Variants in ACTN4 observed in about 807,000 individuals in gnomAD.
ACTN4 encodes actinin alpha 4, also known as alpha-actinin-4.
In ACTN4, 18 loss-of-function variants were observed where a neutral mutation model predicts 114.2. The ratio of observed to expected loss-of-function variants is 0.16; its 90% CI spans 0.11 to 0.23. The LOEUF (loss-of-function observed/expected upper bound fraction) is 0.23, where lower values mean the gene tolerates loss of function less well. Among genes scored for constraint, ACTN4 ranks in the 10% least tolerant of loss-of-function variants. The pLI, the probability that ACTN4 is intolerant of heterozygous loss-of-function variation, is 1.00. For synonymous variants in ACTN4, 515 were observed against 506.3 expected, an observed-to-expected ratio of 1.02 and a Z score of -0.23; for missense variants, 722 against 1,262.9, an observed-to-expected ratio of 0.57 and a Z score of 6.49.
At chr19:38,709,334 C>A in intron 6 of ACTN4, 61 bp from the exon 7 acceptor site, 2 of 1,315,414 alleles carry the variant, frequency 1.5e-6, no homozygotes, top group Non-Finnish European at 2.2e-6. Context: ...GCCCTGCCTC[C>A]CTCCTGCTCC....
At chr19:38,693,522 C>T (rs1044580040) in intron 1 of ACTN4, 6 of 152,294 alleles carry the variant, frequency 3.9e-5, no homozygotes, top group African/African-American at 1.4e-4. Flanking sequence ...CCACTGGAAC[C>T]ACTCGGTTGC....
At chr19:38,653,775 G>T (rs563454850) in intron 1 of ACTN4, among the ~76,000 whole-genome samples, 2 of 152,008 alleles carry the variant, frequency 1.3e-5, no homozygotes, top group African/African-American at 4.8e-5. Flanking sequence ...TTTTTCCTCC[G>T]TTTCTTTTTT....
In ACTN4 at chr19:38,704,717, G is replaced by A. The variant is rs1013507354; in HGVS notation, c.398-217G>A. Among the ~76,000 whole-genome samples the A allele has an allele frequency of 9.8e-5, 15 of 152,362 alleles. 1 individual carries two copies. In the South Asian group the frequency reaches 1.7e-3, roughly 17 times the overall value. ...CCCTTGTGGCCAGAAGCCTGCAGGC[G>A]CTCAGCAGCAGGAGGCTCTGGGACA... On this transcript the variant is annotated intron_variant, in intron 3 of 20. Coordinates refer to ENST00000252699, the MANE Select transcript of ACTN4 (RefSeq NM_004924.6).
chr19:38,692,004 G>A (rs943899133), intron 1 of ACTN4, among the ~76,000 whole-genome samples: 1 of 152,126 alleles, frequency 6.6e-6, no homozygotes, highest in Admixed American at 6.5e-5. Context: ...GCTGCAGGGA[G>A]GGGGCCGGGT....
In ACTN4 at chr19:38,730,713, G is replaced by A; in HGVS notation, c.*1281G>A. On this transcript the variant is annotated 3_prime_UTR_variant, in exon 21 of 21. Transcript: ENST00000252699. ...GTACGCAGGCCAGAGTGGTCACCCG[G>A]CCGTGAGCAGTGAGGGCCAGAGACT... 1 of 1,068,022 alleles carries A rather than the reference G, an allele frequency of 9.4e-7. No individual in the cohort carries two copies. Among genetic ancestry groups the A allele is most frequent in the Non-Finnish European group, 1.4e-6 (1 of 730,002 alleles). 66.2% of individuals were successfully genotyped at this position (1,068,022 alleles called of 1,614,324 possible).
chr19:38,679,192 A>T (rs1172771953), intron 1 of ACTN4, among the ~76,000 whole-genome samples: 2 of 151,966 alleles, frequency 1.3e-5, no homozygotes, highest in African/African-American at 4.8e-5. Flanking sequence ...TTCCTTGTGG[A>T]TTCCATTTTC....
At chr19:38,687,545 A>G (rs987979526) in intron 1 of ACTN4, among the ~76,000 whole-genome samples, 1 of 152,262 alleles carries the variant, frequency 6.6e-6, no homozygotes, top group African/African-American at 2.4e-5. Flanking sequence ...AGTGTTTTCA[A>G]CAAATAGTGC....
chr19:38,727,967 C>T lies in ACTN4; in HGVS notation c.2359C>T (p.Pro787Ser). Residue 787 changes from proline (P) to serine (S), a missense_variant, in exon 19 of 21, where the codon CCC becomes TCC. This residue lies in a region of ACTN4 where 523 missense variants were observed against 875.9 expected (regional missense o/e 0.60). Transcript: ENST00000252699. The surrounding 1 kb of genome is among the most constrained non-coding windows in gnomAD (Gnocchi z 5.4). ...GCAGGATCATGGCGGGGCGCTGGGG[C>T]CCGAGGAGTTCAAGGCCTGCCTCAT... ...FDKDHGGALG[P>S]EEFKACLISL... is the part of the protein sequence containing the mutation. 1 of 1,612,404 alleles carries T rather than the reference C, an allele frequency of 6.2e-7. No homozygotes were observed. Among genetic ancestry groups the T allele is most frequent in the South Asian group, 1.1e-5 (1 of 91,028 alleles).
At chr19:38,689,749 T>C (rs1967862575) in intron 1 of ACTN4, among the ~76,000 whole-genome samples, 1 of 152,078 alleles carries the variant, frequency 6.6e-6, no homozygotes, top group Non-Finnish European at 1.5e-5. Context: ...TCTTGGCTCA[T>C]TGCAACCTTT....
At chr19:38,663,501 C>T (rs541195617) in intron 1 of ACTN4, among the ~76,000 whole-genome samples, 207 of 152,218 alleles carry the variant, frequency 1.4e-3, no homozygotes, top group African/African-American at 4.7e-3. Flanking sequence ...AGCTGTGTCC[C>T]GGGAGAGGAA....
rs1332724271 is a variant in ACTN4, at chr19:38,729,258, A to T, written c.2578-16A>T. 6.8e-6 allele frequency: 11 copies of T among 1,612,362 alleles called. No individual in the cohort carries two copies. Among genetic ancestry groups the T allele is most frequent in the Non-Finnish European group, 9.3e-6 (11 of 1,179,902 alleles). On this transcript the variant is annotated splice_polypyrimidine_tract_variant and intron_variant, in intron 20 of 20. Coordinates refer to ENST00000252699, the MANE Select transcript of ACTN4 (RefSeq NM_004924.6). Reference sequence around the variant, plus strand: ...GTGGGTGGGGATGGCTCAGAGTCCCATCCTGCCTGCCCCAGAACTTCATCA... The same window carrying T: ...GTGGGTGGGGATGGCTCAGAGTCCCTTCCTGCCTGCCCCAGAACTTCATCA...
At chr19:38,685,446 C>T (rs188372465) in intron 1 of ACTN4, among the ~76,000 whole-genome samples, 231 of 152,352 alleles carry the variant, frequency 1.5e-3, no homozygotes, top group African/African-American at 5.1e-3. Flanking sequence ...TCATCCAGTG[C>T]TCACGGAGCC....
chr19:38,676,458 A>G (rs1184812472), intron 1 of ACTN4, among the ~76,000 whole-genome samples: 1 of 152,186 alleles, frequency 6.6e-6, no homozygotes, highest in Non-Finnish European at 1.5e-5. Flanking sequence ...AGTGTGTTGT[A>G]TAGCAGTGTC....
At chr19:38,679,278 C>T (rs1011129802) in intron 1 of ACTN4, among the ~76,000 whole-genome samples, 2 of 152,168 alleles carry the variant, frequency 1.3e-5, no homozygotes, top group African/African-American at 2.4e-5. Context: ...TTTCCATCCC[C>T]GAGGGCATCT....
intron 19 of ACTN4, among the ~76,000 whole-genome samples, chr19:38,728,678 T>A (rs1475159212): frequency 1.3e-5 from 2 of 152,124 alleles, no homozygotes; most frequent in African/African-American, 2.4e-5. Context: ...TTCCCCATCC[T>A]CCAGAGCTTA....
chr19:38,725,908 G>A lies in ACTN4; in HGVS notation c.2190+5G>A, dbSNP rs779927904. 10 of 1,613,648 alleles carry A rather than the reference G, an allele frequency of 6.2e-6. 1 individual carries two copies. The East Asian group carries it at 6.7e-5, about 11-fold the overall frequency. On this transcript the variant is annotated splice_donor_5th_base_variant and intron_variant, in intron 17 of 20. Coordinates refer to ENST00000252699, the MANE Select transcript of ACTN4 (RefSeq NM_004924.6). ...CACACCAACTATACCATGGAGGTGCGCGGCTGCCCCGCCCGCTGGCCTTTC... is the reference window on the plus strand; with the variant it reads ...CACACCAACTATACCATGGAGGTGCACGGCTGCCCCGCCCGCTGGCCTTTC...
At chr19:38,721,815 C>T (rs747338968) in intron 12 of ACTN4, 127 bp downstream of exon 12, 9 of 1,367,472 alleles carry the variant, frequency 6.6e-6, no homozygotes, top group Middle Eastern at 1.8e-4. Context: ...GCCCCAACTG[C>T]ACCTCCTTCC....
chr19:38,729,240 G>C, intron 20 of ACTN4, 34 bp from the exon 21 acceptor site: 1 of 1,612,386 alleles, frequency 6.2e-7, no homozygotes. Flanking sequence ...TGTGTGGGTG[G>C]GGATGGCTCA....
At chr19:38,710,844 G>C in intron 8 of ACTN4, 2 of 268,192 alleles carry the variant, frequency 7.5e-6, no homozygotes, top group South Asian at 8.1e-5. Context: ...GCGTATTCAG[G>C]GACCAGCTAG....
Sources: allele counts gnomAD v4.1 joint callset (sites outside exome capture counted in the v4.1 genomes callset), GRCh38; gene constraint gnomAD v4.1.1; regional missense constraint gnomAD v4.1.1; non-coding constraint Gnocchi (gnomAD v3.1); transcripts MANE v1.5; gene names NCBI Gene and HGNC (gene_info 2026-07-23, HGNC 2026-07-21).